The following OPCML variants were observed in gnomAD, a reference collection of about 807,000 sequenced individuals.
The protein encoded by OPCML is opioid-binding protein/cell adhesion molecule.
OPCML carries 13 observed loss-of-function variants against 37.8 expected under a neutral mutation model. The observed-to-expected ratio is 0.34, with a 90% CI of 0.22 to 0.55. The LOEUF is 0.55. Ranked by LOEUF, OPCML falls within the 20% of genes least tolerant of loss-of-function variation. OPCML has a pLI of 0.91. For synonymous variants in OPCML, 176 were observed against 168.8 expected, an observed-to-expected ratio of 1.04 and a Z score of -0.33; for missense variants, 341 against 435.6, an observed-to-expected ratio of 0.78 and a Z score of 1.93.
chr11:132,516,729 C>T (rs371468319), intron 4 of OPCML, among the ~76,000 whole-genome samples: 1 of 152,144 alleles, frequency 6.6e-6, no homozygotes, highest in Non-Finnish European at 1.5e-5. Context: ...GAGTTTCAGT[C>T]ACTCAAGGTG....
In OPCML at chr11:133,136,167, C is replaced by A. The variant is rs867439030; in HGVS notation, c.62-193157G>T. 2.0e-5 allele frequency among the ~76,000 whole-genome samples: 3 copies of A among 152,138 alleles called. No individual in the cohort carries two copies. The South Asian group carries it at 6.2e-4, about 31-fold the overall frequency. ...ACCTAAGAAAAATTAATAATGCATA[C>A]AGTAAAACCCATTTAGGTTTCTATT... is the stretch of plus-strand genomic sequence containing the variant. On this transcript the variant is annotated intron_variant, in intron 1 of 7. Transcript: ENST00000524381.
At chr11:132,852,032 C>A (rs1941832297) in intron 2 of OPCML, among the ~76,000 whole-genome samples, 1 of 152,214 alleles carries the variant, frequency 6.6e-6, no homozygotes, top group African/African-American at 2.4e-5. Context: ...GGAGCTGTAA[C>A]TCCCAGGTGA....
At chr11:133,012,678 C>T (rs1270432024) in intron 1 of OPCML, among the ~76,000 whole-genome samples, 1 of 152,054 alleles carries the variant, frequency 6.6e-6, no homozygotes, top group Non-Finnish European at 1.5e-5. Context: ...GAGTTCAAGA[C>T]CAGCCTGACC....
intron 1 of OPCML, among the ~76,000 whole-genome samples, chr11:133,437,796 A>T (rs1946273392): frequency 6.6e-6 from 1 of 152,034 alleles, no homozygotes; most frequent in Non-Finnish European, 1.5e-5. Flanking sequence ...ACAGAGATTA[A>T]ATTTACATCT....
intron 1 of OPCML, among the ~76,000 whole-genome samples, chr11:133,020,378 T>C (rs1281342383): frequency 3.0e-4 from 46 of 152,236 alleles, no homozygotes; most frequent in Non-Finnish European, 2.9e-5. Flanking sequence ...GGCTGTCTGC[T>C]ACAGCCCACT....
At chr11:132,860,303 T>G (rs958706936) in intron 2 of OPCML, among the ~76,000 whole-genome samples, 1 of 152,238 alleles carries the variant, frequency 6.6e-6, no homozygotes, top group Non-Finnish European at 1.5e-5. Flanking sequence ...AACAAAGGCC[T>G]GGAGGGCCAG....
intron 1 of OPCML, chr11:133,004,136 G>T (rs1394667396): frequency 1.5e-5 from 15 of 985,366 alleles, no homozygotes; most frequent in Non-Finnish European, 1.8e-5. Flanking sequence ...TCTCAAAAGC[G>T]GGAGCAGGCA....
intron 4 of OPCML, among the ~76,000 whole-genome samples, chr11:132,466,317 CAAAAAAA>C (rs35491939): frequency 9.5e-6 from 1 of 105,282 alleles, no homozygotes; most frequent in Non-Finnish European, 2.2e-5. Flanking sequence ...ACTAAAAATA[CAAAAAAA>C]AAAAAAAAAA....
intron 4 of OPCML, among the ~76,000 whole-genome samples, chr11:132,510,463 A>G (rs2096266517): frequency 6.6e-6 from 1 of 152,076 alleles, no homozygotes; most frequent in South Asian, 2.1e-4. Flanking sequence ...CCCCACCCAA[A>G]TCTCATCTTG....
At chr11:133,069,732 G>T (rs1948495343) in intron 1 of OPCML, among the ~76,000 whole-genome samples, 1 of 152,190 alleles carries the variant, frequency 6.6e-6, no homozygotes, top group Non-Finnish European at 1.5e-5. Flanking sequence ...CTGCAAGCCT[G>T]GGTGGTATCA....
chr11:133,322,226 C>A (rs948777493), intron 1 of OPCML, among the ~76,000 whole-genome samples: 5 of 152,152 alleles, frequency 3.3e-5, no homozygotes, highest in African/African-American at 9.7e-5. Flanking sequence ...AAATTGGTTT[C>A]ATTCTCTAAG....
chr11:132,520,680 G>A (rs61906363), intron 4 of OPCML, among the ~76,000 whole-genome samples: 4 of 92,606 alleles, frequency 4.3e-5, no homozygotes, highest in African/African-American at 6.4e-5. Flanking sequence ...ATATATGTGT[G>A]TGTGTGTGTG....
intron 2 of OPCML, among the ~76,000 whole-genome samples, chr11:132,889,709 AAGGT>A (rs1190381350): frequency 1.3e-5 from 2 of 152,226 alleles, no homozygotes; most frequent in African/African-American, 4.8e-5. Flanking sequence ...GGATCTAAGA[AAGGT>A]AGCAGCATTG....
chr11:133,525,447 A>G (rs1948470800), intron 1 of OPCML, among the ~76,000 whole-genome samples: 1 of 152,216 alleles, frequency 6.6e-6, no homozygotes, highest in Non-Finnish European at 1.5e-5. Context: ...GCAGGGCCAG[A>G]TCATGGCCTT....
chr11:133,240,850 C>A (rs986028484), intron 1 of OPCML, among the ~76,000 whole-genome samples: 12 of 152,190 alleles, frequency 7.9e-5, no homozygotes, highest in African/African-American at 2.9e-4. Flanking sequence ...TCTCTCAAAT[C>A]TTTTATTCCT....
chr11:133,137,223 G>A (rs1219561054), intron 1 of OPCML, among the ~76,000 whole-genome samples: 1 of 152,154 alleles, frequency 6.6e-6, no homozygotes, highest in African/African-American at 2.4e-5. Flanking sequence ...ATGATTTCAA[G>A]TGAACAACTA....
chr11:132,826,930 G>C (rs1179109691), intron 2 of OPCML, among the ~76,000 whole-genome samples: 3 of 152,218 alleles, frequency 2.0e-5, no homozygotes, highest in East Asian at 3.9e-4. Context: ...AGAAATATAG[G>C]TATAAAGGGA....
intron 2 of OPCML, among the ~76,000 whole-genome samples, chr11:132,691,524 T>C (rs994809124): frequency 1.3e-5 from 2 of 152,246 alleles, no homozygotes; most frequent in African/African-American, 2.4e-5. Context: ...TTATATGTCA[T>C]GCATTTTTAA....
rs144876374 is a variant in OPCML at position 133,077,043 on chromosome 11, G to T, written c.62-134033C>A. 4.0e-3 allele frequency among the ~76,000 whole-genome samples: 609 copies of T among 152,168 alleles called. 3 individuals carry two copies. The highest frequency in any genetic ancestry group is 0.013 in the African/African-American group (555 of 41,520). On this transcript the variant is annotated intron_variant, in intron 1 of 7. Transcript: ENST00000524381. ...AGACTACCTACTGCAGGTGGCCGAG[G>T]CCTTGTCCTTGAGGGAATTCTGCAA...
Sources: allele counts gnomAD v4.1 joint callset (sites outside exome capture counted in the v4.1 genomes callset), GRCh38; gene constraint gnomAD v4.1.1; transcripts MANE v1.5; gene names NCBI Gene and HGNC (gene_info 2026-07-23, HGNC 2026-07-21).